RBFOX1: variants seen among roughly 807,000 people sequenced by gnomAD.
The protein encoded by RBFOX1 is RNA binding fox-1 homolog 1, also known as RNA binding protein fox-1 homolog 1.
In RBFOX1, 8 loss-of-function variants were observed where a neutral mutation model predicts 57.7. The ratio of observed to expected loss-of-function variants is 0.14; its 90% confidence interval spans 0.08 to 0.25. The LOEUF (loss-of-function observed/expected upper bound fraction) is 0.25, where lower values mean the gene tolerates loss of function less well. RBFOX1 is among the 10% of genes least tolerant of loss of function. RBFOX1 has a pLI of 1.00. For synonymous variants in RBFOX1, 326 were observed against 222.4 expected, an observed-to-expected ratio of 1.47 and a Z score of -4.15; for missense variants, 611 against 548.5, an observed-to-expected ratio of 1.11 and a Z score of -1.14.
intron 4 of RBFOX1, among the ~76,000 whole-genome samples, chr16:7,246,836 G>A (rs2094321843): frequency 6.6e-6 from 1 of 152,036 alleles, no homozygotes; most frequent in South Asian, 2.1e-4. Context: ...GAGAGCTACA[G>A]CATAAAGGCT....
At chr16:6,249,792 T>C (rs1467881381) in intron 1 of RBFOX1, among the ~76,000 whole-genome samples, 2 of 148,802 alleles carry the variant, frequency 1.3e-5, no homozygotes, top group Non-Finnish European at 3.0e-5. Flanking sequence ...TTTTTTATTA[T>C]ACTTTAAGTT....
chr16:7,412,714 C>T (rs8055041), intron 4 of RBFOX1, among the ~76,000 whole-genome samples: 1 of 151,996 alleles, frequency 6.6e-6, no homozygotes, highest in Non-Finnish European at 1.5e-5. Flanking sequence ...ATTTGTATGG[C>T]TTTTTTAAAT....
At chr16:7,520,362 C>G (rs1326748158) in intron 5 of RBFOX1, among the ~76,000 whole-genome samples, 1 of 152,108 alleles carries the variant, frequency 6.6e-6, no homozygotes, top group South Asian at 2.1e-4. Flanking sequence ...CCACCATTAT[C>G]TAGTTTGAGA....
intron 4 of RBFOX1, among the ~76,000 whole-genome samples, chr16:7,281,435 A>T (rs752730382): frequency 6.6e-6 from 1 of 152,060 alleles, no homozygotes; most frequent in Non-Finnish European, 1.5e-5. Flanking sequence ...TTTGTACTTT[A>T]GTCCTCTCTT....
intron 3 of RBFOX1, among the ~76,000 whole-genome samples, chr16:6,966,182 A>T (rs912475375): frequency 6.6e-6 from 1 of 152,112 alleles, no homozygotes; most frequent in African/African-American, 2.4e-5. Flanking sequence ...GAGGCTTCCT[A>T]TCTCTCTGAG....
chr16:5,989,509 A>G (rs1358209085), intron 4 of RBFOX1, among the ~76,000 whole-genome samples: 1 of 152,134 alleles, frequency 6.6e-6, no homozygotes, highest in Non-Finnish European at 1.5e-5. Flanking sequence ...GTTAGTTGCT[A>G]CAAGAGATAG....
intron 1 of RBFOX1, among the ~76,000 whole-genome samples, chr16:5,354,839 C>G (rs887719263): frequency 6.6e-6 from 1 of 152,232 alleles, no homozygotes; most frequent in African/African-American, 2.4e-5. Context: ...GCAGCAGCCA[C>G]TTGTCACCAT....
intron 3 of RBFOX1, among the ~76,000 whole-genome samples, chr16:6,920,821 T>G (rs2074296748): frequency 2.0e-5 from 3 of 152,194 alleles, no homozygotes; most frequent in Admixed American, 6.5e-5. Flanking sequence ...CCAGGATGAT[T>G]CCATCTTGAG....
intron 2 of RBFOX1, among the ~76,000 whole-genome samples, chr16:6,366,098 T>C (rs923652397): frequency 4.6e-5 from 7 of 151,640 alleles, no homozygotes; most frequent in East Asian, 3.9e-4. Flanking sequence ...TGTGTGTGTG[T>C]GTGTGTGTGT....
chr16:6,623,836 G>T (rs538310644), intron 2 of RBFOX1, among the ~76,000 whole-genome samples: 4 of 152,226 alleles, frequency 2.6e-5, no homozygotes, highest in East Asian at 1.9e-4. Flanking sequence ...TCTTAATCCA[G>T]TCTATCATTG....
chr16:5,632,792 C>G (rs1012075307), intron 3 of RBFOX1, among the ~76,000 whole-genome samples: 90 of 152,292 alleles, frequency 5.9e-4, no homozygotes, highest in African/African-American at 2.0e-3. Context: ...AGCCTTCCTT[C>G]AAACCTGTGA....
At chr16:6,369,729 T>C (rs2090158176) in intron 2 of RBFOX1, among the ~76,000 whole-genome samples, 1 of 152,240 alleles carries the variant, frequency 6.6e-6, no homozygotes, top group South Asian at 2.1e-4. Context: ...AATACACATA[T>C]ATTTTTAATA....
At chr16:6,212,205 T>A (rs1175122110) in intron 1 of RBFOX1, among the ~76,000 whole-genome samples, 1 of 152,086 alleles carries the variant, frequency 6.6e-6, no homozygotes, top group African/African-American at 2.4e-5. Context: ...GTATTGACGT[T>A]GAAAAATACC....
intron 3 of RBFOX1, among the ~76,000 whole-genome samples, chr16:6,969,337 G>T (rs1183494572): frequency 6.6e-6 from 1 of 152,020 alleles, no homozygotes; most frequent in East Asian, 1.9e-4. Context: ...TGCATTGAGG[G>T]AGGCAGTGTC....
intron 14 of RBFOX1, among the ~76,000 whole-genome samples, chr16:7,691,395 G>T (rs1170012846): frequency 6.6e-6 from 1 of 150,488 alleles, no homozygotes; most frequent in Non-Finnish European, 1.5e-5. Flanking sequence ...GGGAGAGAAA[G>T]AATGAAGGGA....
intron 3 of RBFOX1, among the ~76,000 whole-genome samples, chr16:5,827,852 C>T (rs2056120256): frequency 6.6e-6 from 1 of 151,358 alleles, no homozygotes; most frequent in Admixed American, 6.6e-5. Flanking sequence ...CATCCACCCA[C>T]CCACTCATCC....
intron 4 of RBFOX1, among the ~76,000 whole-genome samples, chr16:7,108,969 T>C (rs752713799): frequency 1.3e-4 from 20 of 152,110 alleles, no homozygotes; most frequent in Non-Finnish European, 2.1e-4. Flanking sequence ...GCATGAAGCA[T>C]AACGTTATGT....
intron 3 of RBFOX1, among the ~76,000 whole-genome samples, chr16:5,827,403 G>GAAAAAA: frequency 7.3e-6 from 1 of 137,670 alleles, no homozygotes. Context: ...CCATCTCAGG[G>GAAAAAA]AAAAAAAAAA....
chr16:6,720,645 G>C (rs1312234952), intron 3 of RBFOX1, among the ~76,000 whole-genome samples: 1 of 152,152 alleles, frequency 6.6e-6, no homozygotes, highest in East Asian at 1.9e-4. Flanking sequence ...GACGTGTCGG[G>C]AGAATAGTTG....
Sources: gnomAD v4.1 joint callset for allele counts (sites outside exome capture counted in the v4.1 genomes callset) on GRCh38, gnomAD v4.1.1 for gene constraint, MANE v1.5 for transcripts, NCBI Gene and HGNC (gene_info 2026-07-23, HGNC 2026-07-21) for gene names.